PCDH11Y: variants seen among roughly 807,000 people sequenced by gnomAD.
PCDH11Y encodes protocadherin 11 Y-linked, also known as protocadherin-11 Y-linked.
For missense variants in PCDH11Y, 12 were observed against 224.8 expected, an observed-to-expected ratio of 0.05 and a Z score of 6.05; for synonymous variants, 9 against 83.6, an observed-to-expected ratio of 0.11 and a Z score of 4.87.
At chrY:5,410,037 TTGTG>T (rs747569793) in intron 2 of PCDH11Y, among the ~76,000 whole-genome samples, 1 of 27,936 alleles carries the variant, frequency 3.6e-5, no homozygotes, top group Admixed American at 3.3e-4. Flanking sequence ...ACAGGTGTGT[TTGTG>T]TGTGTGTGTG....
At chrY:5,046,868 C>T (rs2124626206) in intron 3 of PCDH11Y, among the ~76,000 whole-genome samples, 4 of 33,697 alleles carry the variant, frequency 1.2e-4, no homozygotes, top group African/African-American at 4.6e-4. Context: ...GGGATTGACC[C>T]GATTTTCCAG....
At chrY:5,560,550 G>A in intron 3 of PCDH11Y, among the ~76,000 whole-genome samples, 1 of 32,254 alleles carries the variant, frequency 3.1e-5, no homozygotes, top group Non-Finnish European at 7.6e-5. Flanking sequence ...TAGGGAATTG[G>A]TAACTGCATC....
intron 4 of PCDH11Y, among the ~76,000 whole-genome samples, chrY:5,651,975 G>A (rs2053531725): frequency 3.1e-5 from 1 of 32,488 alleles, no homozygotes; most frequent in Admixed American, 2.9e-4. Flanking sequence ...CATAAGACTG[G>A]GCAATTTACA....
chrY:5,421,049 TACAC>T (rs1310744427), intron 2 of PCDH11Y, among the ~76,000 whole-genome samples: 42 of 16,953 alleles, frequency 2.5e-3, no homozygotes, highest in Middle Eastern at 0.05. Context: ...CTACTAAAAA[TACAC>T]ACACACACAC....
chrY:5,129,465 C>CCA (rs2052830558), intron 2 of PCDH11Y, among the ~76,000 whole-genome samples: 1 of 10,450 alleles, frequency 9.6e-5, no homozygotes, highest in Admixed American at 7.3e-4. Context: ...ACACACATAC[C>CCA]CACACACACA....
At chrY:5,134,005 A>AT (rs2052836466) in intron 2 of PCDH11Y, among the ~76,000 whole-genome samples, 19 of 30,004 alleles carry the variant, frequency 6.3e-4, no homozygotes, top group African/African-American at 9.1e-4. Context: ...GTATTTTTCC[A>AT]TTTTTTTTTG....
At chrY:5,726,953 T>C (rs2053599281) in intron 4 of PCDH11Y, among the ~76,000 whole-genome samples, 1 of 33,308 alleles carries the variant, frequency 3.0e-5, no homozygotes, top group African/African-American at 1.2e-4. Context: ...GTGCAAAAAA[T>C]ATAGAACATT....
rs2053361420 is a variant in PCDH11Y, at chrY:5,508,849, T to C, written c.3328+7594T>C. On this transcript the variant is annotated intron_variant, in intron 3 of 4. Transcript: ENST00000400457. ...TGTCTCTTTTTCTTAATTTATATAA[T>C]GAAGGGATTATACGAATCTCTAGTG... is the stretch of plus-strand genomic sequence containing the variant. 1.2e-4 allele frequency among the ~76,000 whole-genome samples: 4 copies of C among 32,800 alleles called. No individual in the cohort carries two copies. The South Asian group carries it at 2.7e-3, about 22-fold the overall frequency. The allele number at this position is 32,800 out of a possible 37,273, so 88.0% of individuals were successfully genotyped here.
downstream of PCDH11Y, among the ~76,000 whole-genome samples, chrY:5,105,644 AAAG>A: frequency 3.2e-5 from 1 of 31,663 alleles, no homozygotes; most frequent in Non-Finnish European, 7.7e-5. Context: ...AAAAAAAAAA[AAAG>A]AAAGAAAGAA....
intron 2 of PCDH11Y, among the ~76,000 whole-genome samples, chrY:5,378,673 G>C: frequency 6.0e-5 from 2 of 33,416 alleles, no homozygotes; most frequent in Non-Finnish European, 1.5e-4. Flanking sequence ...GGTGAGCATG[G>C]CAGGAGCAAC....
At chrY:5,365,101 A>G in intron 2 of PCDH11Y, among the ~76,000 whole-genome samples, 1 of 33,518 alleles carries the variant, frequency 3.0e-5, no homozygotes, top group Admixed American at 2.8e-4. Context: ...GTAAAAATAA[A>G]GTTATGATTG....
chrY:5,631,869 G>A, intron 4 of PCDH11Y, among the ~76,000 whole-genome samples: 2 of 33,861 alleles, frequency 5.9e-5, no homozygotes, highest in Admixed American at 5.3e-4. Flanking sequence ...AATTTTTTAA[G>A]TGAATTTATT....
chrY:5,264,202 C>T, intron 2 of PCDH11Y, among the ~76,000 whole-genome samples: 1 of 33,135 alleles, frequency 3.0e-5, no homozygotes, highest in Non-Finnish European at 7.5e-5. Flanking sequence ...GCCCAGGGCA[C>T]GTTCATAAAT....
chrY:5,198,599 G>A, intron 2 of PCDH11Y, among the ~76,000 whole-genome samples: 2 of 32,740 alleles, frequency 6.1e-5, no homozygotes, highest in Non-Finnish European at 1.5e-4. Context: ...TTATAAATCT[G>A]GAAAAAAATA....
chrY:5,148,753 C>T (rs2052860705), intron 2 of PCDH11Y, among the ~76,000 whole-genome samples: 1 of 32,378 alleles, frequency 3.1e-5, no homozygotes, highest in Non-Finnish European at 7.6e-5. Flanking sequence ...CAAAATCATC[C>T]AATACAAAGC....
chrY:5,471,405 T>G, intron 2 of PCDH11Y, among the ~76,000 whole-genome samples: 2 of 32,123 alleles, frequency 6.2e-5, no homozygotes, highest in Non-Finnish European at 1.6e-4. Flanking sequence ...ATGAAAATAA[T>G]AGTAATTTTA....
chrY:5,394,376 T>C, intron 2 of PCDH11Y, among the ~76,000 whole-genome samples: 1 of 35,225 alleles, frequency 2.8e-5, no homozygotes, highest in East Asian at 7.4e-4. Flanking sequence ...ACTTGGAGCA[T>C]TGTGAGAAGT....
At chrY:5,400,028 G>A (rs35864451) in intron 2 of PCDH11Y, among the ~76,000 whole-genome samples, 1 of 33,449 alleles carries the variant, frequency 3.0e-5, no homozygotes, top group Non-Finnish European at 7.3e-5. Flanking sequence ...AGACGCACAC[G>A]CAGAAATATA....
intron 1 of PCDH11Y, among the ~76,000 whole-genome samples, chrY:5,067,532 C>T: frequency 6.1e-5 from 2 of 32,843 alleles, no homozygotes; most frequent in Non-Finnish European, 1.5e-4. Context: ...TAGTGACTGG[C>T]CTTATTTAGG....
Sources: allele counts gnomAD v4.1 joint callset (sites outside exome capture counted in the v4.1 genomes callset), GRCh38; gene constraint gnomAD v4.1.1; transcripts MANE v1.5; gene names NCBI Gene and HGNC (gene_info 2026-07-23, HGNC 2026-07-21).